Variants in GPHN observed in about 807,000 individuals in gnomAD.
The protein encoded by GPHN is gephyrin.
In GPHN, 17 loss-of-function variants were observed where a neutral mutation model predicts 95.5. The observed-to-expected ratio is 0.18, with a 90% CI of 0.12 to 0.27. The LOEUF is 0.27. GPHN is among the 10% of genes least tolerant of loss of function. The pLI is 1.00. For missense variants in GPHN, 660 were observed against 978.1 expected (o/e 0.67, Z 4.34); for synonymous variants, 320 against 322.5 (o/e 0.99, Z 0.08).
intron 4 of GPHN, among the ~76,000 whole-genome samples, chr14:66,827,189 G>A (rs1254795458): frequency 1.3e-5 from 2 of 152,056 alleles, no homozygotes; most frequent in South Asian, 2.1e-4. Flanking sequence ...GGTAGCTGAG[G>A]CATGAGAATC....
At chr14:66,936,153 CG>C (rs1390686034) in intron 8 of GPHN, among the ~76,000 whole-genome samples, 1 of 152,022 alleles carries the variant, frequency 6.6e-6, no homozygotes, top group Admixed American at 6.6e-5. Context: ...CTGAGGTGGG[CG>C]GATCACCTGA....
At chr14:67,534,828 T>G in the GPHN span, among the ~76,000 whole-genome samples, 3 of 152,194 alleles carry the variant, frequency 2.0e-5, no homozygotes, top group Non-Finnish European at 2.9e-5. Context: ...CAATTTAAAG[T>G]GTACATCATT....
At chr14:67,356,434 C>CAA in the GPHN span, among the ~76,000 whole-genome samples, 6 of 129,776 alleles carry the variant, frequency 4.6e-5, no homozygotes, top group East Asian at 4.2e-4. Context: ...AAAACAAAAA[C>CAA]AAAAAAAAAA....
At chr14:67,489,779 A>G in the GPHN span, among the ~76,000 whole-genome samples, 1 of 152,178 alleles carries the variant, frequency 6.6e-6, no homozygotes, top group East Asian at 1.9e-4. Context: ...TCACGAGGTC[A>G]GGAGATCGAG....
chr14:67,599,021 A>G, the GPHN span, among the ~76,000 whole-genome samples: 1 of 152,188 alleles, frequency 6.6e-6, no homozygotes, highest in East Asian at 1.9e-4. Flanking sequence ...GAACAAACAT[A>G]CGGTTTAGAT....
chr14:67,687,001 T>G, the GPHN span, among the ~76,000 whole-genome samples: 5 of 152,232 alleles, frequency 3.3e-5, no homozygotes, highest in East Asian at 7.7e-4. Flanking sequence ...CCAAATTGAT[T>G]TCTACTTTTA....
At chr14:67,431,728 C>T in the GPHN span, among the ~76,000 whole-genome samples, 2 of 151,774 alleles carry the variant, frequency 1.3e-5, no homozygotes, top group African/African-American at 2.4e-5. Context: ...ACCAAAACAG[C>T]GGCAAAAAAG....
chr14:67,388,175 G>C, the GPHN span: 33 of 1,204,738 alleles, frequency 2.7e-5, 2 homozygotes, highest in East Asian at 7.7e-4. Context: ...CTGAGGTGCA[G>C]GAGGGAGGCC....
chr14:67,082,011 T>C (rs958615058), intron 11 of GPHN, among the ~76,000 whole-genome samples: 3 of 152,246 alleles, frequency 2.0e-5, no homozygotes, highest in Non-Finnish European at 2.9e-5. Context: ...CCTTACGGTA[T>C]AGTTTGAAGT....
chr14:67,284,811 C>T, the GPHN span, among the ~76,000 whole-genome samples: 1 of 152,082 alleles, frequency 6.6e-6, no homozygotes, highest in Admixed American at 6.6e-5. Context: ...CATATTGTAG[C>T]ATGAATCAGT....
intron 1 of GPHN, among the ~76,000 whole-genome samples, chr14:66,552,206 A>G (rs2059839175): frequency 6.6e-6 from 1 of 152,196 alleles, no homozygotes; most frequent in African/African-American, 2.4e-5. Context: ...ATCATGAGCA[A>G]AATAAGAACA....
the GPHN span, among the ~76,000 whole-genome samples, chr14:67,643,231 G>C: frequency 1.4e-4 from 21 of 152,212 alleles, no homozygotes; most frequent in East Asian, 5.8e-4. Flanking sequence ...AGCAGTGCTA[G>C]AGATTGCAGG....
intron 2 of GPHN, among the ~76,000 whole-genome samples, chr14:66,729,458 G>A (rs10150268): frequency 0.073 from 11,089 of 152,116 alleles, 1,123 homozygotes; most frequent in East Asian, 0.42. Flanking sequence ...AGCTGGATAA[G>A]TCATATAATT....
the GPHN span, chr14:67,223,858 C>T: frequency 2.5e-5 from 25 of 985,650 alleles, no homozygotes; most frequent in Non-Finnish European, 7.2e-6. Context: ...TCTCACTTAA[C>T]ACCCTGTACC....
At chr14:66,906,075 A>T (rs937588888) in intron 5 of GPHN, among the ~76,000 whole-genome samples, 1 of 150,972 alleles carries the variant, frequency 6.6e-6, no homozygotes, top group Non-Finnish European at 1.5e-5. Flanking sequence ...CTAGTAAATG[A>T]TCAGAATGCT....
the GPHN span, among the ~76,000 whole-genome samples, chr14:67,696,892 A>G: frequency 2.0e-5 from 3 of 152,214 alleles, no homozygotes; most frequent in Admixed American, 2.0e-4. Context: ...AATATATTTT[A>G]TAGCAAATTG....
intron 21 of GPHN, among the ~76,000 whole-genome samples, chr14:67,177,384 G>T (rs999352814): frequency 2.0e-5 from 3 of 152,132 alleles, no homozygotes; most frequent in Non-Finnish European, 4.4e-5. Context: ...GTAGTTGTGT[G>T]GTTTTGAGTA....
At chr14:67,631,055 C>T in the GPHN span, among the ~76,000 whole-genome samples, 5 of 152,196 alleles carry the variant, frequency 3.3e-5, no homozygotes, top group Non-Finnish European at 7.3e-5. Context: ...CATTATCCCT[C>T]CCCTCACCTC....
chr14:67,595,008 G>C, the GPHN span, among the ~76,000 whole-genome samples: 1 of 152,078 alleles, frequency 6.6e-6, no homozygotes, highest in African/African-American at 2.4e-5. Flanking sequence ...GTAGTGGCAG[G>C]CACCTGTAGT....
Sources: gnomAD v4.1 joint callset for allele counts (sites outside exome capture counted in the v4.1 genomes callset) on GRCh38, gnomAD v4.1.1 for gene constraint, MANE v1.5 for transcripts, NCBI Gene and HGNC (gene_info 2026-07-23, HGNC 2026-07-21) for gene names.